GALNTL6: variants seen among roughly 807,000 people sequenced by gnomAD.
The protein encoded by GALNTL6 is polypeptide N-acetylgalactosaminyltransferase like 6.
Under a neutral mutation model 73.7 loss-of-function variants are expected in GALNTL6, and 46 were observed. That is an observed-to-expected ratio of 0.62 (90% CI 0.49 to 0.80). The LOEUF (loss-of-function observed/expected upper bound fraction) is 0.80, where lower values mean the gene tolerates loss of function less well. GALNTL6 is among the 30% of genes least tolerant of loss of function. The pLI, the probability that GALNTL6 is intolerant of heterozygous loss-of-function variation, is 0.00. For synonymous variants in GALNTL6, 259 were observed against 263.7 expected, an observed-to-expected ratio of 0.98 and a Z score of 0.17; for missense variants, 604 against 755.0, an observed-to-expected ratio of 0.80 and a Z score of 2.34.
chr4:172,604,394 C>G (rs2111031759), intron 5 of GALNTL6, among the ~76,000 whole-genome samples: 1 of 152,170 alleles, frequency 6.6e-6, no homozygotes, highest in South Asian at 2.1e-4. Flanking sequence ...AAACTAAATA[C>G]TAGTGAGAGC....
At chr4:172,598,473 C>G (rs78836004) in intron 5 of GALNTL6, among the ~76,000 whole-genome samples, 1 of 152,048 alleles carries the variant, frequency 6.6e-6, no homozygotes, top group Non-Finnish European at 1.5e-5. Context: ...TGATTACAAC[C>G]ATAAATATCC....
intron 2 of GALNTL6, among the ~76,000 whole-genome samples, chr4:172,200,276 T>TA (rs891979124): frequency 1.3e-5 from 2 of 152,226 alleles, no homozygotes; most frequent in Non-Finnish European, 2.9e-5. Flanking sequence ...TTTCCCTTGT[T>TA]AAAATACTCC....
At chr4:172,244,521 A>T (rs1463427116) in intron 3 of GALNTL6, among the ~76,000 whole-genome samples, 1 of 152,146 alleles carries the variant, frequency 6.6e-6, no homozygotes, top group Non-Finnish European at 1.5e-5. Flanking sequence ...TATGCATAAG[A>T]TTATTTTTCC....
At chr4:172,009,399 T>C (rs1740935827) in intron 2 of GALNTL6, among the ~76,000 whole-genome samples, 1 of 152,058 alleles carries the variant, frequency 6.6e-6, no homozygotes, top group Non-Finnish European at 1.5e-5. Context: ...ACAATTTAGG[T>C]AATGAAGATT....
intron 3 of GALNTL6, among the ~76,000 whole-genome samples, chr4:172,268,873 A>G (rs887756807): frequency 6.6e-6 from 1 of 152,190 alleles, no homozygotes; most frequent in African/African-American, 2.4e-5. Flanking sequence ...ATTGGCTAGC[A>G]GTTCAATCTT....
At chr4:171,976,525 A>G (rs1739726399) in intron 2 of GALNTL6, among the ~76,000 whole-genome samples, 1 of 152,232 alleles carries the variant, frequency 6.6e-6, no homozygotes, top group East Asian at 1.9e-4. Flanking sequence ...TGGTGTATCC[A>G]CTGAATACTT....
chr4:172,937,518 A>AT (rs1165985927), intron 9 of GALNTL6, among the ~76,000 whole-genome samples: 1 of 152,162 alleles, frequency 6.6e-6, no homozygotes, highest in Non-Finnish European at 1.5e-5. Context: ...ATACCCACAG[A>AT]TTTTCCATCC....
At chr4:172,712,828 A>C (rs898874357) in intron 5 of GALNTL6, among the ~76,000 whole-genome samples, 1 of 152,196 alleles carries the variant, frequency 6.6e-6, no homozygotes. Context: ...AAAACATTGA[A>C]AGAGAAGCCA....
At chr4:172,932,429 T>A (rs1748395312) in intron 9 of GALNTL6, among the ~76,000 whole-genome samples, 1 of 151,728 alleles carries the variant, frequency 6.6e-6, no homozygotes, top group Admixed American at 6.6e-5. Flanking sequence ...GCGGGGGGAG[T>A]TGTTCTTCCT....
At chr4:172,660,754 T>C (rs1361237943) in intron 5 of GALNTL6, among the ~76,000 whole-genome samples, 2 of 152,136 alleles carry the variant, frequency 1.3e-5, no homozygotes, top group Non-Finnish European at 2.9e-5. Flanking sequence ...ATTATAATGC[T>C]ATAAATTATA....
intron 8 of GALNTL6, among the ~76,000 whole-genome samples, chr4:172,917,603 C>T (rs558547590): frequency 1.3e-5 from 2 of 152,316 alleles, no homozygotes; most frequent in South Asian, 2.1e-4. Flanking sequence ...TGAACAGACA[C>T]TTCTCAAAAG....
intron 2 of GALNTL6, among the ~76,000 whole-genome samples, chr4:172,045,806 A>G (rs1363307138): frequency 1.3e-5 from 2 of 151,708 alleles, no homozygotes; most frequent in Admixed American, 6.6e-5. Context: ...AATTCCTCCC[A>G]TGTAACTGAG....
At chr4:172,422,573 C>T (rs1023132428) in intron 5 of GALNTL6, among the ~76,000 whole-genome samples, 2 of 151,850 alleles carry the variant, frequency 1.3e-5, no homozygotes, top group Non-Finnish European at 2.9e-5. Flanking sequence ...CACTTAGTCC[C>T]TTGGTGATAT....
chr4:172,813,525 G>A lies in GALNTL6; in HGVS notation c.740-15G>A. ...GCAGGCATGTCATTTCCTATTTTGTGCTTTCATTTTTCAGACCAAATTGCA... is the reference window on the plus strand; with the variant it reads ...GCAGGCATGTCATTTCCTATTTTGTACTTTCATTTTTCAGACCAAATTGCA... On this transcript the variant is annotated splice_polypyrimidine_tract_variant and intron_variant, in intron 6 of 12. Coordinates refer to ENST00000506823, the MANE Select transcript of GALNTL6 (RefSeq NM_001034845.3). 1 of 1,582,946 alleles carries A rather than the reference G, an allele frequency of 6.3e-7. No individual in the cohort carries two copies.
intron 5 of GALNTL6, among the ~76,000 whole-genome samples, chr4:172,426,110 A>G (rs1299054508): frequency 6.6e-6 from 1 of 152,082 alleles, no homozygotes; most frequent in Non-Finnish European, 1.5e-5. Context: ...TTCCTTTGGC[A>G]TGATTATAAT....
chr4:172,662,879 AG>A (rs1226417741), intron 5 of GALNTL6, among the ~76,000 whole-genome samples: 2 of 152,228 alleles, frequency 1.3e-5, no homozygotes, highest in African/African-American at 4.8e-5. Flanking sequence ...GCTCTTTCAA[AG>A]GAGGTGGTCA....
At position 172,512,022 on chromosome 4, in the gene GALNTL6, C is replaced by T. The variant is rs1734449952; in HGVS notation, c.553+163333C>T. ...TTCTGTGTTGGTGACCCTTCTAGTG[C>T]TGTCAGTGGAGTATTGTAGTCCCCC... On this transcript the variant is annotated intron_variant, in intron 5 of 12. Transcript: ENST00000506823. 3.6e-5 allele frequency among the ~76,000 whole-genome samples: 2 copies of T among 55,172 alleles called. 1 individual carries two copies. Among genetic ancestry groups the T allele is most frequent in the Non-Finnish European group, 8.4e-5 (2 of 23,816 alleles). The allele number at this position is 55,172 out of a possible 152,430, so 36.2% of individuals were successfully genotyped here.
chr4:172,799,648 C>T (rs191440421), intron 5 of GALNTL6, among the ~76,000 whole-genome samples: 1 of 152,030 alleles, frequency 6.6e-6, no homozygotes, highest in Non-Finnish European at 1.5e-5. Context: ...GAGTAGACAC[C>T]CTTGTGTACT....
chr4:171,999,602 G>A (rs920989884), intron 2 of GALNTL6, among the ~76,000 whole-genome samples: 1 of 152,084 alleles, frequency 6.6e-6, no homozygotes, highest in Admixed American at 6.6e-5. Flanking sequence ...CATTTCCAGT[G>A]CCTTGAAAAC....
Sources: gnomAD v4.1 joint callset for allele counts (sites outside exome capture counted in the v4.1 genomes callset) on GRCh38, gnomAD v4.1.1 for gene constraint, MANE v1.5 for transcripts, NCBI Gene and HGNC (gene_info 2026-07-23, HGNC 2026-07-21) for gene names.